SNTG1: variants seen among roughly 807,000 people sequenced by gnomAD.
The protein encoded by SNTG1 is syntrophin gamma 1, also known as gamma-1-syntrophin.
A neutral mutation model predicts 74.7 loss-of-function variants in SNTG1; 39 were observed. The observed-to-expected ratio is 0.52, with a 90% CI of 0.40 to 0.68. The LOEUF (loss-of-function observed/expected upper bound fraction) is 0.68. SNTG1 is among the 30% of genes least tolerant of loss of function. The pLI, the probability that SNTG1 is intolerant of heterozygous loss-of-function variation, is 0.00. For missense variants in SNTG1, 685 were observed against 609.5 expected (o/e 1.12, Z -1.30); for synonymous variants, 254 against 217.1 (o/e 1.17, Z -1.49).
chr8:50,269,780 G>T lies in SNTG1; in HGVS notation c.-28+97145G>T, dbSNP rs183298481. ...TTTTTTCCTTCAAGGATTCTGTAAG[G>T]TAGTCAGAAAATAAGACACATACAA... On this transcript the variant is annotated intron_variant, in intron 2 of 18. Coordinates refer to ENST00000642720, the MANE Select transcript of SNTG1 (RefSeq NM_018967.5). Among the ~76,000 whole-genome samples the T allele has an allele frequency of 1.1e-4, 16 of 152,186 alleles. No homozygotes were observed. In the East Asian group the frequency reaches 3.1e-3, roughly 29 times the overall value.
In SNTG1 at chr8:50,256,702, C is replaced by A. The variant is rs984487434; in HGVS notation, c.-28+84067C>A. Among the ~76,000 whole-genome samples, 72 of 151,832 alleles carry A rather than the reference C, an allele frequency of 4.7e-4. 1 individual carries two copies. Among genetic ancestry groups the A allele is most frequent in the African/African-American group, 1.7e-3 (69 of 41,394 alleles). ...TTAGAAAATTAAGGGATCTTCACTC[C>A]CAGAACTGCATTTTTAAGAAATCAA... On this transcript the variant is annotated intron_variant, in intron 2 of 18. Coordinates refer to ENST00000642720, the MANE Select transcript of SNTG1 (RefSeq NM_018967.5).
Position 50,143,773 on chromosome 8 carries a change from C to T in SNTG1, c.-102-28788C>T, listed in dbSNP as rs371829127. Among the ~76,000 whole-genome samples the T allele has an allele frequency of 3.5e-4, 53 of 152,236 alleles. No individual in the cohort carries two copies. The East Asian group carries it at 3.7e-3, about 11-fold the overall frequency. On this transcript the variant is annotated intron_variant, in intron 1 of 18. Coordinates refer to ENST00000642720, the MANE Select transcript of SNTG1 (RefSeq NM_018967.5). ...ATATGTCACATATTCCTGAGTACAA[C>T]CTCCATTGAAAATGCCTTGTATTTA...
chr8:50,238,606 A>C (rs1345388864), intron 2 of SNTG1, among the ~76,000 whole-genome samples: 1 of 152,136 alleles, frequency 6.6e-6, no homozygotes, highest in African/African-American at 2.4e-5. Context: ...ACAAAGACTC[A>C]AAAAGCAACC....
chr8:50,541,244 T>C (rs1201975463), intron 11 of SNTG1, among the ~76,000 whole-genome samples: 1 of 47,236 alleles, frequency 2.1e-5, no homozygotes, highest in African/African-American at 6.2e-4. Context: ...AGATTTTACC[T>C]GTGTGTGTGT....
chr8:50,180,962 C>G (rs898767003), intron 2 of SNTG1, among the ~76,000 whole-genome samples: 2 of 152,116 alleles, frequency 1.3e-5, no homozygotes, highest in Admixed American at 1.3e-4. Flanking sequence ...TGGGGTTTCA[C>G]CATGTTGGCC....
At chr8:50,185,203 C>T (rs899646679) in intron 2 of SNTG1, among the ~76,000 whole-genome samples, 3 of 152,154 alleles carry the variant, frequency 2.0e-5, no homozygotes, top group Admixed American at 1.3e-4. Context: ...TTTCCCCATT[C>T]TGCTCTCATG....
intron 1 of SNTG1, among the ~76,000 whole-genome samples, chr8:50,095,071 G>C (rs537246691): frequency 6.6e-6 from 1 of 152,044 alleles, no homozygotes; most frequent in African/African-American, 2.4e-5. Flanking sequence ...ACCAAATACC[G>C]CATATTCTCA....
At chr8:50,589,234 A>G (rs943852798) in intron 12 of SNTG1, among the ~76,000 whole-genome samples, 4 of 152,212 alleles carry the variant, frequency 2.6e-5, no homozygotes, top group African/African-American at 9.7e-5. Context: ...ATCTTTTCCA[A>G]GGTAAGTCAG....
chr8:50,515,390 T>G (rs1450272300), intron 9 of SNTG1, among the ~76,000 whole-genome samples: 3 of 64,428 alleles, frequency 4.7e-5, no homozygotes, highest in East Asian at 4.2e-4. Flanking sequence ...TGCAGGAGTT[T>G]TTTTTTTTTT....
At chr8:50,205,917 A>T (rs1262034711) in intron 2 of SNTG1, among the ~76,000 whole-genome samples, 1 of 152,098 alleles carries the variant, frequency 6.6e-6, no homozygotes, top group East Asian at 1.9e-4. Flanking sequence ...GTTCTGTTCC[A>T]TTGGTCTATA....
chr8:50,293,446 G>A (rs1314990148), intron 2 of SNTG1, among the ~76,000 whole-genome samples: 1 of 143,644 alleles, frequency 7.0e-6, no homozygotes, highest in African/African-American at 2.6e-5. Context: ...GTCTTGCTCT[G>A]CCACCCAGGC....
chr8:50,221,869 C>A (rs2085087175), intron 2 of SNTG1, among the ~76,000 whole-genome samples: 1 of 152,130 alleles, frequency 6.6e-6, no homozygotes, highest in South Asian at 2.1e-4. Flanking sequence ...GTGTTTAATA[C>A]ATGTATAGCC....
At chr8:50,021,412 A>G (rs1327733166) in intron 1 of SNTG1, among the ~76,000 whole-genome samples, 1 of 152,076 alleles carries the variant, frequency 6.6e-6, no homozygotes, top group Non-Finnish European at 1.5e-5. Flanking sequence ...CACTAATACC[A>G]TATATATGGT....
At chr8:49,972,897 C>T (rs541695665) in intron 1 of SNTG1, among the ~76,000 whole-genome samples, 10 of 148,546 alleles carry the variant, frequency 6.7e-5, no homozygotes, top group East Asian at 2.0e-4. Context: ...GAAATAGGGA[C>T]GCTTTTACAC....
chr8:50,015,392 A>G (rs1816217713), intron 1 of SNTG1, among the ~76,000 whole-genome samples: 1 of 152,066 alleles, frequency 6.6e-6, no homozygotes, highest in South Asian at 2.1e-4. Context: ...ACAAAGCCTC[A>G]GAGAAAAGTG....
intron 15 of SNTG1, among the ~76,000 whole-genome samples, 156 bp downstream of exon 15, chr8:50,658,819 A>G (rs2095200207): frequency 6.6e-6 from 1 of 152,198 alleles, no homozygotes; most frequent in Non-Finnish European, 1.5e-5. Context: ...TGGACAAAAA[A>G]GAGAAAATAT....
intron 1 of SNTG1, among the ~76,000 whole-genome samples, chr8:49,938,603 T>TTTTTTTTTTTTTCTTTTCTTTC (rs1554524905): frequency 4.0e-5 from 3 of 74,754 alleles, no homozygotes; most frequent in African/African-American, 1.4e-4. Context: ...TTTTCTTTTC[T>TTTTTTTTTTTTTCTTTTCTTTC]TTTCTTTCTT....
chr8:50,214,698 T>C (rs1279080752), intron 2 of SNTG1, among the ~76,000 whole-genome samples: 2 of 152,174 alleles, frequency 1.3e-5, no homozygotes, highest in African/African-American at 4.8e-5. Context: ...ACTAAGCCTA[T>C]ATCTCTAATA....
intron 15 of SNTG1, among the ~76,000 whole-genome samples, chr8:50,663,421 T>C (rs1035899866): frequency 6.6e-6 from 1 of 152,070 alleles, no homozygotes; most frequent in Non-Finnish European, 1.5e-5. Flanking sequence ...AGGGGAGTGC[T>C]CCTGGGACAT....
Sources: allele counts gnomAD v4.1 joint callset (sites outside exome capture counted in the v4.1 genomes callset), GRCh38; gene constraint gnomAD v4.1.1; transcripts MANE v1.5; gene names NCBI Gene and HGNC (gene_info 2026-07-23, HGNC 2026-07-21).